The following LRRC7 variants were observed in gnomAD, a reference collection of about 807,000 sequenced individuals.
LRRC7 encodes leucine-rich repeat-containing protein 7.
In LRRC7, 23 loss-of-function variants were observed where a neutral mutation model predicts 175.7. The observed-to-expected ratio is 0.13, with a 90% CI of 0.09 to 0.19. The LOEUF (loss-of-function observed/expected upper bound fraction) is 0.19. Among genes scored for constraint, LRRC7 ranks in the 10% least tolerant of loss-of-function variants. The probability of loss-of-function intolerance (pLI) is 1.00; values close to 1 mark genes in which losing one functional copy is unlikely to be tolerated. For synonymous variants in LRRC7, 685 were observed against 680.9 expected (o/e 1.01, Z -0.09); for missense variants, 1,354 against 1,904.7 (o/e 0.71, Z 5.38).
intron 7 of LRRC7, among the ~76,000 whole-genome samples, chr1:69,899,544 C>G (rs181459120): frequency 1.1e-3 from 170 of 152,274 alleles, no homozygotes; most frequent in Non-Finnish European, 2.0e-3. Context: ...CCTTTGTGAG[C>G]CATCAGGTCT....
At chr1:69,910,502 G>A (rs1462167570) in intron 7 of LRRC7, among the ~76,000 whole-genome samples, 1 of 152,146 alleles carries the variant, frequency 6.6e-6, no homozygotes, top group Non-Finnish European at 1.5e-5. Context: ...AACAGCGGTG[G>A]CTGTAGAACA....
chr1:69,858,008 G>A (rs2101514619), intron 7 of LRRC7, among the ~76,000 whole-genome samples: 1 of 152,196 alleles, frequency 6.6e-6, no homozygotes, highest in Non-Finnish European at 1.5e-5. Context: ...CAAGAAATGG[G>A]GAAAGGATTC....
At chr1:70,070,361 G>A (rs2102112562) in intron 23 of LRRC7, among the ~76,000 whole-genome samples, 1 of 152,220 alleles carries the variant, frequency 6.6e-6, no homozygotes, top group African/African-American at 2.4e-5. Context: ...AAGTGTGTGT[G>A]CGTAATTGAT....
chr1:69,594,771 G>C (rs530002999), intron 1 of LRRC7, among the ~76,000 whole-genome samples: 16 of 152,110 alleles, frequency 1.1e-4, no homozygotes, highest in African/African-American at 3.6e-4. Flanking sequence ...ATAGTCTCTG[G>C]TGCTAATGGG....
Position 70,036,533 on chromosome 1 carries a change from G to A in LRRC7, c.2197G>A (p.Ala733Thr). 4 of 1,614,054 alleles carry A rather than the reference G, an allele frequency of 2.5e-6. No homozygotes were observed. Among genetic ancestry groups the A allele is most frequent in the Non-Finnish European group, 3.4e-6 (4 of 1,179,950 alleles). Residue 733 changes from alanine (A) to threonine (T), a missense_variant, in exon 20 of 27, where the codon GCT becomes ACT. Ala to Thr is a moderately conservative substitution (Grantham distance 58). Transcript: ENST00000651989. ...GTYSDYSPSQ[A>T]SSGSSNTRVK... ...TTACTCAGACTACTCGCCTTCCCAGGCTTCCTCAGGATCCTCTAATACCCG... is the reference window on the plus strand; with the variant it reads ...TTACTCAGACTACTCGCCTTCCCAGACTTCCTCAGGATCCTCTAATACCCG...
At chr1:69,964,448 G>T (rs1651459548) in intron 8 of LRRC7, among the ~76,000 whole-genome samples, 1 of 152,176 alleles carries the variant, frequency 6.6e-6, no homozygotes, top group Admixed American at 6.5e-5. Flanking sequence ...CATACTGCCT[G>T]TCCAGGGATG....
intron 1 of LRRC7, among the ~76,000 whole-genome samples, chr1:69,574,039 T>G (rs1645844931): frequency 6.6e-6 from 1 of 152,118 alleles, no homozygotes; most frequent in Admixed American, 6.6e-5. Context: ...AGGGGATAGG[T>G]ATGCCCAAGG....
chr1:69,829,256 A>T (rs1007749703), intron 5 of LRRC7, among the ~76,000 whole-genome samples: 1 of 151,900 alleles, frequency 6.6e-6, no homozygotes, highest in Non-Finnish European at 1.5e-5. Context: ...GATTATAAGC[A>T]AAGTCTTCTG....
intron 1 of LRRC7, among the ~76,000 whole-genome samples, chr1:69,571,451 A>G (rs1454830863): frequency 6.6e-6 from 1 of 152,192 alleles, no homozygotes; most frequent in Non-Finnish European, 1.5e-5. Context: ...TTTGGATTTC[A>G]AAAAATCACG....
rs545940299 is a variant in LRRC7, at chr1:69,603,527, C to T, written c.2+34886C>T. On this transcript the variant is annotated intron_variant, in intron 1 of 26. Transcript: ENST00000651989. ...GATAATTTCTACATATACTGTAATT[C>T]ATATTAACTTGTATTACTGAAGTAG... Among the ~76,000 whole-genome samples the T allele has an allele frequency of 2.8e-3, 423 of 152,234 alleles. 2 individuals are homozygous for T. Among genetic ancestry groups the T allele is most frequent in the Non-Finnish European group, 4.2e-3 (285 of 67,996 alleles).
chr1:70,068,367 T>C (rs1419331262), intron 23 of LRRC7, among the ~76,000 whole-genome samples: 1 of 152,220 alleles, frequency 6.6e-6, no homozygotes, highest in Non-Finnish European at 1.5e-5. Context: ...GATCACGATT[T>C]TTCTTCTGTA....
intron 1 of LRRC7, among the ~76,000 whole-genome samples, chr1:69,581,563 C>T (rs1557431424): frequency 6.6e-6 from 1 of 152,080 alleles, no homozygotes; most frequent in Non-Finnish European, 1.5e-5. Flanking sequence ...ATAACTAGAA[C>T]ATTGACAGAA....
chr1:70,018,173 A>G (rs1049246961), intron 14 of LRRC7, among the ~76,000 whole-genome samples: 4 of 152,116 alleles, frequency 2.6e-5, no homozygotes, highest in Non-Finnish European at 5.9e-5. Flanking sequence ...AACTAATAAC[A>G]GAATGAAATA....
chr1:69,781,964 GAAAA>G (rs1381722127), intron 3 of LRRC7, among the ~76,000 whole-genome samples: 1 of 148,428 alleles, frequency 6.7e-6, no homozygotes, highest in Non-Finnish European at 1.5e-5. Flanking sequence ...AAGAAAGAAA[GAAAA>G]AGAAAGAAAG....
intron 11 of LRRC7, among the ~76,000 whole-genome samples, chr1:69,995,450 T>C (rs565996415): frequency 2.0e-5 from 3 of 152,124 alleles, no homozygotes; most frequent in South Asian, 2.1e-4. Flanking sequence ...ATGTGCACAA[T>C]GTGCAGGTTA....
At chr1:70,018,573 A>G in intron 14 of LRRC7, 146 bp from the exon 15 acceptor site, 1 of 492,110 alleles carries the variant, frequency 2.0e-6, no homozygotes, top group Non-Finnish European at 3.6e-6. Flanking sequence ...TTCCTCAGTA[A>G]TAGTATTATT....
intron 7 of LRRC7, among the ~76,000 whole-genome samples, chr1:69,883,042 T>G (rs1219306561): frequency 6.6e-6 from 1 of 152,110 alleles, no homozygotes; most frequent in Non-Finnish European, 1.5e-5. Flanking sequence ...GTTCCAAGTC[T>G]TTGCTATTGT....
intron 18 of LRRC7, among the ~76,000 whole-genome samples, chr1:70,032,077 G>A (rs998186172): frequency 3.9e-5 from 6 of 152,152 alleles, no homozygotes; most frequent in South Asian, 2.1e-4. Context: ...GATTACAGGC[G>A]TGAGCCACCG....
chr1:69,932,213 A>C lies in LRRC7; in HGVS notation c.711+643A>C, dbSNP rs1647455885. 2.0e-5 allele frequency among the ~76,000 whole-genome samples: 3 copies of C among 152,312 alleles called. No homozygotes were observed. In the South Asian group the frequency reaches 6.2e-4, roughly 32 times the overall value. Reference sequence around the variant, plus strand: ...GACGGCTCAGCTTTCTCTATTCAGAAGTCTTCCACTTGAATATCTCAAATT... The same window carrying C: ...GACGGCTCAGCTTTCTCTATTCAGACGTCTTCCACTTGAATATCTCAAATT... On this transcript the variant is annotated intron_variant, in intron 8 of 26. Transcript: ENST00000651989.
Sources: gnomAD v4.1 joint callset for allele counts (sites outside exome capture counted in the v4.1 genomes callset) on GRCh38, gnomAD v4.1.1 for gene constraint, MANE v1.5 for transcripts, NCBI Gene and HGNC (gene_info 2026-07-23, HGNC 2026-07-21) for gene names.